Variants in ARMC2 observed in about 807,000 individuals in gnomAD.
ARMC2 encodes the protein armadillo repeat containing 2.
In ARMC2, 67 loss-of-function variants were observed where a neutral mutation model predicts 90.3. That is an observed-to-expected ratio of 0.74 (90% CI 0.61 to 0.91). ARMC2 has a LOEUF of 0.91. Among genes scored for constraint, ARMC2 ranks in the 40% least tolerant of loss-of-function variants. The probability of loss-of-function intolerance (pLI) is 0.00; values close to 1 mark genes in which losing one functional copy is unlikely to be tolerated. For synonymous variants in ARMC2, 393 were observed against 393.0 expected (o/e 1.00, Z 0.00); for missense variants, 920 against 1,030.9 (o/e 0.89, Z 1.47).
At chr6:108,899,869 C>A in intron 7 of ARMC2, 77 bp downstream of exon 7, 1 of 1,048,868 alleles carries the variant, frequency 9.5e-7, no homozygotes, top group South Asian at 1.5e-5. Context: ...TATGTGTTCC[C>A]CATTGCCCTG....
At chr6:108,880,899 A>G (rs1485512783) in intron 5 of ARMC2, among the ~76,000 whole-genome samples, 1 of 149,334 alleles carries the variant, frequency 6.7e-6, no homozygotes, top group Admixed American at 6.7e-5. Context: ...CTCTATTGTC[A>G]GGATGGAGTG....
the ARMC2 span, among the ~76,000 whole-genome samples, chr6:108,986,073 A>G: frequency 1.3e-5 from 2 of 150,028 alleles, no homozygotes; most frequent in African/African-American, 4.8e-5. Context: ...AGTAACTAAC[A>G]GAGTTATCAT....
At chr6:109,009,413 C>T in the ARMC2 span, 1 of 1,456,532 alleles carries the variant, frequency 6.9e-7, no homozygotes, top group Non-Finnish European at 9.0e-7. Context: ...GCCCCGAGAC[C>T]GCCAAAGGGG....
chr6:108,911,087 T>C (rs1773380735), intron 9 of ARMC2, 86 bp downstream of exon 9: 1 of 790,356 alleles, frequency 1.3e-6, no homozygotes, highest in Non-Finnish European at 2.0e-6. Flanking sequence ...TAATCAATGA[T>C]AGCAAGAATA....
At chr6:108,947,383 CT>C (rs1359931946) in intron 12 of ARMC2, among the ~76,000 whole-genome samples, 2 of 152,174 alleles carry the variant, frequency 1.3e-5, no homozygotes, top group African/African-American at 4.8e-5. Flanking sequence ...TTTGGGCTTA[CT>C]TAATGAGTCT....
At chr6:108,976,729 G>A (rs1468359392), downstream of ARMC2, among the ~76,000 whole-genome samples, 1 of 152,106 alleles carries the variant, frequency 6.6e-6, no homozygotes, top group Non-Finnish European at 1.5e-5. Flanking sequence ...TCCCTTGTAA[G>A]TTGTATTCCT....
downstream of ARMC2, among the ~76,000 whole-genome samples, chr6:108,979,458 C>T (rs11153143): frequency 0.1 from 15,625 of 152,026 alleles, 956 homozygotes; most frequent in Middle Eastern, 0.2. Flanking sequence ...GTGAATCTGC[C>T]GATTATGTGT....
chr6:109,046,921 G>A, the ARMC2 span, among the ~76,000 whole-genome samples: 1 of 121,242 alleles, frequency 8.2e-6, no homozygotes, highest in African/African-American at 3.0e-5. Context: ...GAGCCTCTCC[G>A]CCCGGCAGCC....
At chr6:108,911,944 A>G (rs556716406) in intron 9 of ARMC2, among the ~76,000 whole-genome samples, 1 of 152,246 alleles carries the variant, frequency 6.6e-6, no homozygotes, top group East Asian at 1.9e-4. Context: ...TCCCACTAAG[A>G]ATACAGTTAC....
chr6:108,925,448 A>C (rs1775016371), intron 10 of ARMC2, among the ~76,000 whole-genome samples: 1 of 152,254 alleles, frequency 6.6e-6, no homozygotes, highest in African/African-American at 2.4e-5. Flanking sequence ...TTATGCCTTC[A>C]CTGAAGCGTC....
rs114821076 is a variant in ARMC2 at position 108,886,113 on chromosome 6, T to C, written c.672-8354T>C. 9.3e-3 allele frequency among the ~76,000 whole-genome samples: 1,423 copies of C among 152,352 alleles called. 30 individuals are homozygous for C. Among genetic ancestry groups the C allele is most frequent in the African/African-American group, 0.033 (1,356 of 41,588 alleles). On this transcript the variant is annotated intron_variant, in intron 5 of 17. Transcript: ENST00000392644. ...TAAGTTTAGTTCAAAAGTTGCTAAA[T>C]TTTCTCTTATCCATAAGCATCCTTT...
At chr6:108,975,511 G>T (rs1033142017), downstream of ARMC2, among the ~76,000 whole-genome samples, 2 of 152,160 alleles carry the variant, frequency 1.3e-5, no homozygotes, top group African/African-American at 2.4e-5. Flanking sequence ...AATCCTTTGG[G>T]TATATACCCA....
chr6:108,997,092 T>C, the ARMC2 span, among the ~76,000 whole-genome samples: 1 of 152,084 alleles, frequency 6.6e-6, no homozygotes, highest in African/African-American at 2.4e-5. Flanking sequence ...AGTCAGATAC[T>C]GGATATGTAC....
chr6:108,964,389 A>G (rs1778214896), intron 16 of ARMC2, 77 bp downstream of exon 16: 1 of 1,508,952 alleles, frequency 6.6e-7, no homozygotes, highest in Non-Finnish European at 9.0e-7. Context: ...TGGCCCTTTC[A>G]TCATTCCTGT....
chr6:108,959,679 T>C (rs1230292396), intron 13 of ARMC2, among the ~76,000 whole-genome samples: 3 of 151,852 alleles, frequency 2.0e-5, no homozygotes, highest in African/African-American at 4.8e-5. Context: ...TATTTATTTA[T>C]TTATTTATTT....
intron 5 of ARMC2, among the ~76,000 whole-genome samples, chr6:108,891,122 G>A (rs1334793218): frequency 6.6e-6 from 1 of 152,168 alleles, no homozygotes; most frequent in East Asian, 1.9e-4. Context: ...TGGTGTATAT[G>A]TGCCACATTT....
chr6:108,934,868 A>C (rs970471243), intron 11 of ARMC2, among the ~76,000 whole-genome samples: 2 of 152,200 alleles, frequency 1.3e-5, no homozygotes, highest in Admixed American at 1.3e-4. Flanking sequence ...CCTATTTAAC[A>C]GATATTTGTA....
chr6:108,880,532 G>C lies in ARMC2; in HGVS notation c.671+4182G>C, dbSNP rs148456196. Among the ~76,000 whole-genome samples the C allele has an allele frequency of 2.1e-3, 321 of 152,342 alleles. 1 individual carries two copies. Among genetic ancestry groups the C allele is most frequent in the Non-Finnish European group, 3.6e-3 (248 of 68,036 alleles). On this transcript the variant is annotated intron_variant, in intron 5 of 17. Transcript: ENST00000392644. Reference sequence around the variant, plus strand: ...CCTTATGGAGAGAGATGCTGAGAGGGAAGTGGTACATAAACAAAAAGAGCA... The same window carrying C: ...CCTTATGGAGAGAGATGCTGAGAGGCAAGTGGTACATAAACAAAAAGAGCA...
chr6:108,926,818 T>C (rs1775141727), intron 10 of ARMC2, among the ~76,000 whole-genome samples: 1 of 152,196 alleles, frequency 6.6e-6, no homozygotes, highest in Admixed American at 6.5e-5. Flanking sequence ...AAGTAGTTTG[T>C]TTCACTTCCA....
Sources: gnomAD v4.1 joint callset for allele counts (sites outside exome capture counted in the v4.1 genomes callset) on GRCh38, gnomAD v4.1.1 for gene constraint, MANE v1.5 for transcripts, NCBI Gene and HGNC (gene_info 2026-07-23, HGNC 2026-07-21) for gene names.